RPRD2: variants seen among roughly 807,000 people sequenced by gnomAD.
RPRD2 encodes regulation of nuclear pre-mRNA domain-containing protein 2.
In RPRD2, 12 loss-of-function variants were observed where a neutral mutation model predicts 104.4. The ratio of observed to expected loss-of-function variants is 0.11; its 90% CI spans 0.07 to 0.19. The LOEUF (loss-of-function observed/expected upper bound fraction) is 0.19. Ranked by LOEUF, RPRD2 falls within the 10% of genes least tolerant of loss-of-function variation. The probability of loss-of-function intolerance (pLI) is 1.00; values close to 1 mark genes in which losing one functional copy is unlikely to be tolerated. For missense variants in RPRD2, 1,543 were observed against 1,790.1 expected, an observed-to-expected ratio of 0.86 and a Z score of 2.49; for synonymous variants, 714 against 684.9, an observed-to-expected ratio of 1.04 and a Z score of -0.66.
At position 150,451,780 on chromosome 1, in the gene RPRD2, T is replaced by C. The variant is rs117071664; in HGVS notation, c.870+5379T>C. On this transcript the variant is annotated intron_variant, in intron 7 of 10. Coordinates refer to ENST00000369068, the MANE Select transcript of RPRD2 (RefSeq NM_015203.5). ...TTTGGAAATAGGGTCTTTGCTGATA[T>C]AATCAAGTTAAAATGAGTTCACTGG... 2.9e-4 allele frequency among the ~76,000 whole-genome samples: 44 copies of C among 151,824 alleles called. No individual in the cohort carries two copies. The East Asian group carries it at 8.0e-3, about 28-fold the overall frequency.
Position 150,471,279 on chromosome 1 carries a change from C to G in RPRD2, c.2331C>G (p.Ser777Arg). Residue 777 changes from serine (S) to arginine (R), a missense_variant, in exon 11 of 11, where the codon AGC becomes AGG. By Grantham distance (110) the Ser-to-Arg change is moderately radical (BLOSUM62 -1). Coordinates refer to ENST00000369068, the MANE Select transcript of RPRD2 (RefSeq NM_015203.5). The surrounding 1 kb of genome is among the most constrained non-coding windows in gnomAD (Gnocchi z 5.3). ...TRSPPPGRDESYPRELSNSVS... is the reference protein window; with the variant it reads ...TRSPPPGRDERYPRELSNSVS... ...CACCACCCCCTGGGAGAGATGAAAG[C>G]TACCCCCGAGAGCTCTCCAATTCTG... 3 of 1,613,862 alleles carry G rather than the reference C, an allele frequency of 1.9e-6. No homozygotes were observed. In the South Asian group the frequency reaches 3.3e-5, roughly 18 times the overall value.
intron 1 of RPRD2, among the ~76,000 whole-genome samples, chr1:150,375,220 A>G (rs1165947216): frequency 1.3e-5 from 2 of 152,180 alleles, no homozygotes; most frequent in East Asian, 3.8e-4. Flanking sequence ...TTACAGCAGA[A>G]GGGTGATTTC....
At chr1:150,437,478 A>T (rs1022574385) in intron 2 of RPRD2, among the ~76,000 whole-genome samples, 1 of 152,132 alleles carries the variant, frequency 6.6e-6, no homozygotes, top group Admixed American at 6.6e-5. Context: ...TTTTTTAGCT[A>T]TAAAGTATTT....
intron 1 of RPRD2, among the ~76,000 whole-genome samples, chr1:150,388,416 GTATATATA>G (rs370049726): frequency 2.1e-5 from 3 of 140,096 alleles, no homozygotes; most frequent in African/African-American, 7.7e-5. Flanking sequence ...ATATACACAT[GTATATATA>G]TACATATATA....
chr1:150,433,353 AACAG>A (rs1488901473), intron 2 of RPRD2, among the ~76,000 whole-genome samples: 4 of 150,084 alleles, frequency 2.7e-5, no homozygotes, highest in Middle Eastern at 3.5e-3. Context: ...ATTTACCATC[AACAG>A]ACAGACCCTC....
chr1:150,441,552 C>T (rs1572484041), intron 3 of RPRD2: 3 of 234,618 alleles, frequency 1.3e-5, no homozygotes, highest in South Asian at 7.9e-5. Flanking sequence ...CTACCATGAC[C>T]GTCATTTTAC....
chr1:150,395,399 G>GTGTGTGTGTGTA (rs1461510229), intron 1 of RPRD2, among the ~76,000 whole-genome samples: 4 of 151,692 alleles, frequency 2.6e-5, no homozygotes, highest in Non-Finnish European at 5.9e-5. Context: ...GTGTGTGTGT[G>GTGTGTGTGTGTA]TATACACATC....
In RPRD2 at chr1:150,381,454, C is replaced by T. The variant is rs988447495; in HGVS notation, c.205+16535C>T. Among the ~76,000 whole-genome samples the T allele has an allele frequency of 3.3e-5, 5 of 151,888 alleles. No individual in the cohort carries two copies. In the East Asian group the frequency reaches 5.8e-4, roughly 18 times the overall value. ...AAAAGTGCTTAATCAATGAATCTTC[C>T]TTAAGTGTGACCCCAGACCACACGT... is the stretch of plus-strand genomic sequence containing the variant. On this transcript the variant is annotated intron_variant, in intron 1 of 10. Coordinates refer to ENST00000369068, the MANE Select transcript of RPRD2 (RefSeq NM_015203.5).
chr1:150,401,829 G>A (rs587605367), intron 1 of RPRD2, among the ~76,000 whole-genome samples: 38 of 152,004 alleles, frequency 2.5e-4, no homozygotes, highest in African/African-American at 8.2e-4. Flanking sequence ...ATTTTTAGTA[G>A]AGATGGGGTT....
chr1:150,436,493 C>G (rs1553893131), intron 2 of RPRD2, among the ~76,000 whole-genome samples: 1 of 151,870 alleles, frequency 6.6e-6, no homozygotes, highest in Non-Finnish European at 1.5e-5. Context: ...CCCAGCTACT[C>G]CGGAGGCTGA....
chr1:150,408,154 T>C (rs1298811363), intron 1 of RPRD2, among the ~76,000 whole-genome samples: 1 of 146,066 alleles, frequency 6.8e-6, no homozygotes, highest in Non-Finnish European at 1.5e-5. Flanking sequence ...AAAATATTCA[T>C]ATGATTTTTT....
intron 1 of RPRD2, among the ~76,000 whole-genome samples, chr1:150,416,384 G>A (rs997900585): frequency 7.2e-5 from 11 of 152,062 alleles, no homozygotes; most frequent in African/African-American, 2.4e-4. Context: ...GATCAGAGAA[G>A]GAGATTTTAA....
intron 10 of RPRD2, among the ~76,000 whole-genome samples, chr1:150,470,264 T>G (rs954933868): frequency 1.3e-5 from 2 of 152,146 alleles, no homozygotes; most frequent in African/African-American, 4.8e-5. Context: ...TAACTTAAAC[T>G]ATGAATGATT....
intron 5 of RPRD2, 105 bp from the exon 6 acceptor site, chr1:150,444,146 G>A: frequency 2.7e-6 from 3 of 1,130,560 alleles, no homozygotes; most frequent in Admixed American, 2.7e-5. Flanking sequence ...AAGCTTTAGG[G>A]TGTTTGTTTT....
intron 9 of RPRD2, 118 bp downstream of exon 9, chr1:150,460,435 G>A (rs587669761): frequency 5.9e-5 from 63 of 1,062,612 alleles, no homozygotes; most frequent in Non-Finnish European, 7.4e-5. Flanking sequence ...ACAGAGTTTC[G>A]CTCTGTCTCC....
chr1:150,424,288 T>C (rs1269395187), intron 2 of RPRD2, among the ~76,000 whole-genome samples: 7 of 148,686 alleles, frequency 4.7e-5, no homozygotes, highest in African/African-American at 1.7e-4. Flanking sequence ...ATTATTTCTA[T>C]TTTTTTTTTC....
At chr1:150,417,359 T>A (rs1664421782) in intron 1 of RPRD2, among the ~76,000 whole-genome samples, 1 of 152,164 alleles carries the variant, frequency 6.6e-6, no homozygotes, top group African/African-American at 2.4e-5. Flanking sequence ...GGTAAACTGA[T>A]CCATTAGTTC....
intron 1 of RPRD2, among the ~76,000 whole-genome samples, chr1:150,410,332 C>G (rs782374065): frequency 1.3e-5 from 2 of 152,146 alleles, no homozygotes; most frequent in Non-Finnish European, 2.9e-5. Context: ...GGATCACCCT[C>G]TCTTCTGAGT....
rs1290835977 is a variant in RPRD2 at position 150,476,170 on chromosome 1, A to T, written c.*2836A>T. The T allele has an allele frequency of 6.6e-6, 1 of 152,214 alleles. No individual in the cohort carries two copies. Among genetic ancestry groups the T allele is most frequent in the Non-Finnish European group, 1.5e-5 (1 of 68,040 alleles). 9.4% of individuals were successfully genotyped at this position (152,214 alleles called of 1,614,324 possible). ...AATTTGGTTTGATTCCAGGGAGGGG[A>T]AAATAAGCAGAGAATAGGACTTTTA... On this transcript the variant is annotated 3_prime_UTR_variant, in exon 11 of 11. Coordinates refer to ENST00000369068, the MANE Select transcript of RPRD2 (RefSeq NM_015203.5).
Sources: gnomAD v4.1 joint callset for allele counts (sites outside exome capture counted in the v4.1 genomes callset) on GRCh38, gnomAD v4.1.1 for gene constraint, Gnocchi (gnomAD v3.1) non-coding constraint, MANE v1.5 for transcripts, NCBI Gene and HGNC (gene_info 2026-07-23, HGNC 2026-07-21) for gene names.